Variants in TUSC3 observed in about 807,000 individuals in gnomAD.
The protein encoded by TUSC3 is tumor suppressor candidate 3, also known as dolichyl-diphosphooligosaccharide--protein glycosyltransferase subunit TUSC3.
In TUSC3, 45 loss-of-function variants were observed where a neutral mutation model predicts 44.8. The observed-to-expected ratio is 1.00, with a 90% confidence interval of 0.79 to 1.29. TUSC3 has a LOEUF of 1.29. Ranked by LOEUF, TUSC3 falls within the 50% of genes most tolerant of loss-of-function variation. The pLI is 0.00. For missense variants in TUSC3, 519 were observed against 437.9 expected (o/e 1.19, Z -1.65); for synonymous variants, 212 against 152.9 (o/e 1.39, Z -2.85).
At chr8:15,443,773 C>T (rs1257554786) in intron 1 of TUSC3, among the ~76,000 whole-genome samples, 1 of 152,162 alleles carries the variant, frequency 6.6e-6, no homozygotes, top group Non-Finnish European at 1.5e-5. Context: ...GATTCTCACC[C>T]TCCCTAAGCT....
chr8:15,623,233 C>T lies in TUSC3; in HGVS notation c.292C>T (p.Gln98Ter). ...VMFTALQPQR[Q>*]CSVCRQANEE... Reference sequence around the variant, plus strand: ...GTTCACTGCTCTTCAGCCTCAGCGGCAGTGTTCTGTGTGCAGGTAATTTAT... The same window carrying T: ...GTTCACTGCTCTTCAGCCTCAGCGGTAGTGTTCTGTGTGCAGGTAATTTAT... The change falls in exon 2 of 11, where the codon CAG (glutamine) becomes TAG (stop). Residue 98 changes from glutamine to a stop codon, truncating the protein, a stop_gained. Transcript: ENST00000503731. LOFTEE classifies it high-confidence loss of function. 6.8e-6 allele frequency: 11 copies of T among 1,607,920 alleles called. No individual in the cohort carries two copies. The highest frequency in any genetic ancestry group is 9.3e-6 in the Non-Finnish European group (11 of 1,177,104).
At chr8:15,829,113 T>A in the TUSC3 span, among the ~76,000 whole-genome samples, 1 of 152,182 alleles carries the variant, frequency 6.6e-6, no homozygotes, top group African/African-American at 2.4e-5. Context: ...CATATTTTAT[T>A]ATTCTATGTC....
At chr8:15,746,232 C>G (rs1027651969) in intron 8 of TUSC3, among the ~76,000 whole-genome samples, 17 of 151,956 alleles carry the variant, frequency 1.1e-4, no homozygotes, top group African/African-American at 3.9e-4. Context: ...ATATGATACT[C>G]AATTTATTAA....
At chr8:15,752,429 CAAAAG>C (rs1811747781) in intron 9 of TUSC3, among the ~76,000 whole-genome samples, 1 of 151,954 alleles carries the variant, frequency 6.6e-6, no homozygotes, top group South Asian at 2.1e-4. Flanking sequence ...GATATATACA[CAAAAG>C]GAAATATTCT....
chr8:15,823,673 A>G, the TUSC3 span, among the ~76,000 whole-genome samples: 3 of 152,228 alleles, frequency 2.0e-5, no homozygotes, highest in Non-Finnish European at 4.4e-5. Context: ...GTTTGTACAT[A>G]ATTGCAAACT....
chr8:15,757,970 T>A, intron 10 of TUSC3, 115 bp downstream of exon 10: 1 of 1,495,214 alleles, frequency 6.7e-7, no homozygotes, highest in Non-Finnish European at 8.9e-7. Context: ...AAATGTAAGA[T>A]AACTTTTAAC....
At chr8:15,555,618 C>A (rs180925100) in intron 1 of TUSC3, among the ~76,000 whole-genome samples, 1 of 150,106 alleles carries the variant, frequency 6.7e-6, no homozygotes, top group African/African-American at 2.4e-5. Context: ...TAATGGTAAC[C>A]TTCATTTCTC....
chr8:15,777,895 G>A, the TUSC3 span, among the ~76,000 whole-genome samples: 8 of 152,014 alleles, frequency 5.3e-5, no homozygotes, highest in African/African-American at 1.9e-4. Context: ...GTCCCTTGGA[G>A]GAATTAGTTT....
At chr8:15,449,815 A>G (rs1279890435) in intron 1 of TUSC3, among the ~76,000 whole-genome samples, 2 of 152,168 alleles carry the variant, frequency 1.3e-5, no homozygotes, top group Non-Finnish European at 2.9e-5. Flanking sequence ...TGCCCTATGT[A>G]GGTGACCGTT....
intron 1 of TUSC3, among the ~76,000 whole-genome samples, chr8:15,456,257 T>C (rs1800255665): frequency 6.6e-6 from 1 of 152,198 alleles, no homozygotes. Context: ...AACCCTTTCT[T>C]TACTGCAATG....
At chr8:15,793,485 C>CTCT in the TUSC3 span, among the ~76,000 whole-genome samples, 7,908 of 152,184 alleles carry the variant, frequency 0.052, 676 homozygotes, top group African/African-American at 0.18. Context: ...CCACTGACCT[C>CTCT]TCTTCTTTGT....
At chr8:15,649,588 G>GA (rs35737672) in intron 2 of TUSC3, among the ~76,000 whole-genome samples, 3,676 of 127,428 alleles carry the variant, frequency 0.029, 124 homozygotes, top group African/African-American at 0.079. Context: ...CGTCTCAAAA[G>GA]AAAAAAAAAA....
At chr8:15,843,440 C>A in the TUSC3 span, among the ~76,000 whole-genome samples, 1 of 151,880 alleles carries the variant, frequency 6.6e-6, no homozygotes, top group Non-Finnish European at 1.5e-5. Context: ...ACTCCAAGTA[C>A]TAGAAGAAAA....
At chr8:15,432,776 G>A (rs1433542280) in intron 1 of TUSC3, among the ~76,000 whole-genome samples, 1 of 152,022 alleles carries the variant, frequency 6.6e-6, no homozygotes, top group Non-Finnish European at 1.5e-5. Context: ...GGTGAGGCAG[G>A]ATAGCTAGAG....
At chr8:15,723,346 A>G (rs1048046009) in intron 6 of TUSC3, among the ~76,000 whole-genome samples, 1 of 152,156 alleles carries the variant, frequency 6.6e-6, no homozygotes, top group African/African-American at 2.4e-5. Flanking sequence ...AGTGGCAAGT[A>G]ATCAAGATTT....
At chr8:15,616,133 G>T (rs1804976241) in intron 1 of TUSC3, among the ~76,000 whole-genome samples, 1 of 152,132 alleles carries the variant, frequency 6.6e-6, no homozygotes, top group South Asian at 2.1e-4. Flanking sequence ...ATAGGAATAG[G>T]TTCAGAAATG....
chr8:15,661,075 T>C (rs750281986), intron 4 of TUSC3, among the ~76,000 whole-genome samples: 1 of 151,924 alleles, frequency 6.6e-6, no homozygotes. Flanking sequence ...TACCCCCATG[T>C]CTCTTTACCT....
intron 1 of TUSC3, among the ~76,000 whole-genome samples, chr8:15,591,931 T>C (rs1004390966): frequency 1.3e-5 from 2 of 152,206 alleles, no homozygotes; most frequent in African/African-American, 4.8e-5. Context: ...AAGTAATTAC[T>C]CTTCCACTAA....
intron 1 of TUSC3, among the ~76,000 whole-genome samples, chr8:15,545,152 T>C (rs1049100142): frequency 6.6e-6 from 1 of 151,762 alleles, no homozygotes; most frequent in Admixed American, 6.6e-5. Flanking sequence ...GGCTGAGTTA[T>C]AACTGGACCA....
Sources: allele counts gnomAD v4.1 joint callset (sites outside exome capture counted in the v4.1 genomes callset), GRCh38; gene constraint gnomAD v4.1.1; transcripts MANE v1.5; gene names NCBI Gene and HGNC (gene_info 2026-07-23, HGNC 2026-07-21).